The following MCM6 variants were observed in gnomAD, a reference collection of about 807,000 sequenced individuals.
MCM6 encodes DNA replication licensing factor MCM6.
In MCM6, 46 loss-of-function variants were observed where a neutral mutation model predicts 94.3. The ratio of observed to expected loss-of-function variants is 0.49; its 90% CI spans 0.39 to 0.62. MCM6 has a LOEUF of 0.62. MCM6 is among the 20% of genes least tolerant of loss of function. The probability of loss-of-function intolerance (pLI) is 0.00; values close to 1 mark genes in which losing one functional copy is unlikely to be tolerated. For missense variants in MCM6, 865 were observed against 1,017.9 expected (o/e 0.85, Z 2.04); for synonymous variants, 335 against 351.9 (o/e 0.95, Z 0.54).
At chr2:135,862,877 G>T in intron 7 of MCM6, 129 bp from the exon 8 acceptor site, 1 of 859,320 alleles carries the variant, frequency 1.2e-6, no homozygotes, top group Non-Finnish European at 1.8e-6. Context: ...CATAAAACTG[G>T]AGTAATAACA....
rs146507564 is a variant in MCM6 at position 135,868,713 on chromosome 2, C to T, written c.513G>A (p.Gln171=). ...AGATGTTTGGCTGTGTGTATTTGAA[C>T]TGCTGTTCTACATCCCTGATCACTG... is the stretch of plus-strand genomic sequence containing the variant. ...CQTVIRDVEQ[Q]FKYTQPNICR... The change falls in exon 4 of 17, where the codon CAG becomes CAA. Residue 171 remains glutamine (Q), a synonymous_variant. Coordinates refer to ENST00000264156, the MANE Select transcript of MCM6 (RefSeq NM_005915.6). 444 of 1,614,156 alleles carry T rather than the reference C, an allele frequency of 2.8e-4. 1 individual carries two copies. Among genetic ancestry groups the T allele is most frequent in the Middle Eastern group, 1.6e-3 (10 of 6,062 alleles).
At chr2:135,844,521 G>C (rs1461467519) in intron 16 of MCM6, 24 bp downstream of exon 16, 1 of 1,462,376 alleles carries the variant, frequency 6.8e-7, no homozygotes, top group Middle Eastern at 1.8e-4. Context: ...CCTGATACCA[G>C]AGCACGCGCA....
At chr2:135,869,209 T>G (rs1680156381) in intron 3 of MCM6, among the ~76,000 whole-genome samples, 1 of 152,150 alleles carries the variant, frequency 6.6e-6, no homozygotes, top group Non-Finnish European at 1.5e-5. Context: ...AAGACCATCC[T>G]GGCCAACATG....
At chr2:135,863,852 T>C (rs1028759156) in intron 7 of MCM6, among the ~76,000 whole-genome samples, 9 of 152,158 alleles carry the variant, frequency 5.9e-5, no homozygotes, top group Admixed American at 5.9e-4. Context: ...GGCTCATGCC[T>C]GTAATCTCAG....
At chr2:135,872,399 G>T (rs1680217289) in intron 2 of MCM6, among the ~76,000 whole-genome samples, 1 of 152,168 alleles carries the variant, frequency 6.6e-6, no homozygotes, top group African/African-American at 2.4e-5. Flanking sequence ...AGTGAGCCAA[G>T]ATCGCGCCAC....
chr2:135,843,915 T>A (rs1314823024), intron 16 of MCM6, among the ~76,000 whole-genome samples: 10 of 150,344 alleles, frequency 6.7e-5, no homozygotes, highest in Non-Finnish European at 1.5e-4. Flanking sequence ...CTGACAGGAG[T>A]GGAGAGAAGG....
chr2:135,846,160 T>C, intron 15 of MCM6, 77 bp downstream of exon 15: 1 of 1,412,938 alleles, frequency 7.1e-7, no homozygotes, highest in Non-Finnish European at 9.8e-7. Flanking sequence ...ACACGAAGTT[T>C]GGCAATCACA....
At chr2:135,872,666 T>C (rs897906772) in intron 2 of MCM6, 31 bp downstream of exon 2, 9 of 1,609,022 alleles carry the variant, frequency 5.6e-6, no homozygotes, top group Non-Finnish European at 7.6e-6. Context: ...TCAACCCCTA[T>C]TCAAAGTAAA....
chr2:135,856,907 A>C, intron 10 of MCM6, 24 bp from the exon 11 acceptor site: 1 of 1,600,022 alleles, frequency 6.2e-7, no homozygotes, highest in Non-Finnish European at 8.5e-7. Context: ...AAAGAATCTT[A>C]ACAGATTTAA....
At chr2:135,851,702 A>G (rs1679782606) in intron 12 of MCM6, 139 bp from the exon 13 acceptor site, 1 of 559,368 alleles carries the variant, frequency 1.8e-6, no homozygotes, top group Admixed American at 3.4e-5. Flanking sequence ...AGTGACAATA[A>G]ATTACTATTG....
Position 135,872,750 on chromosome 2 carries a change from G to T in MCM6, c.201C>A (p.Asp67Glu), listed in dbSNP as rs750109785. ...AAAGTTGCTGGTTAAATTGTTCCAG[G>T]TCCACAAAACTCACAACCAATGTGT... is the stretch of plus-strand genomic sequence containing the variant. ...ERNTLVVSFV[D>E]LEQFNQQLST... The change falls in exon 2 of 17, where the codon GAC becomes GAA. Residue 67 changes from aspartate (D) to glutamate (E), a missense_variant. Around this residue, in one of 3 missense-constraint regions of MCM6, gnomAD observed 404 missense variants for 451.9 expected, o/e 0.89. Transcript: ENST00000264156. 2.5e-6 allele frequency: 4 copies of T among 1,613,922 alleles called. No homozygotes were observed. Among genetic ancestry groups the T allele is most frequent in the South Asian group, 1.1e-5 (1 of 91,078 alleles).
intron 9 of MCM6, 109 bp downstream of exon 9, chr2:135,859,192 T>G: frequency 3.2e-6 from 3 of 924,130 alleles, no homozygotes; most frequent in Non-Finnish European, 3.2e-6. Context: ...CGCGCCCAGC[T>G]GAGAATGCTG....
intron 9 of MCM6, 25 bp downstream of exon 9, chr2:135,859,276 A>C: frequency 6.3e-7 from 1 of 1,598,614 alleles, no homozygotes. Context: ...ACTTCTTTAT[A>C]CTGAAGAGTG....
At chr2:135,848,712 C>T (rs1207909563) in intron 13 of MCM6, among the ~76,000 whole-genome samples, 14 of 152,032 alleles carry the variant, frequency 9.2e-5, no homozygotes. Context: ...GGAGAAACCC[C>T]ATCTCTACTA....
In MCM6 at chr2:135,868,815, G is replaced by T. The variant is rs563361423; in HGVS notation, c.411C>A (p.Ile137=). ...TSSRIGLLTR[I]SGQVVRTHPV... is the part of the protein sequence containing the mutation. ...GGTGAGTCCGCACCACCTGCCCACTGATGCGAGTGAGCAAACCAATTCTGG... is the reference window on the plus strand; with the variant it reads ...GGTGAGTCCGCACCACCTGCCCACTTATGCGAGTGAGCAAACCAATTCTGG... The change falls in exon 4 of 17, where the codon ATC becomes ATA. Residue 137 remains isoleucine, a synonymous_variant. Coordinates refer to ENST00000264156, the MANE Select transcript of MCM6 (RefSeq NM_005915.6). 3 of 1,614,056 alleles carry T rather than the reference G, an allele frequency of 1.9e-6. No individual in the cohort carries two copies. The highest frequency in any genetic ancestry group is 2.2e-5 in the South Asian group (2 of 91,084).
In MCM6 at chr2:135,840,964, A is replaced by G. The variant is rs1325035229; in HGVS notation, c.2350-13T>C. 6.3e-7 allele frequency: 1 copy of G among 1,587,520 alleles called. No individual in the cohort carries two copies. Among genetic ancestry groups the G allele is most frequent in the Admixed American group, 1.7e-5 (1 of 59,978 alleles). Reference sequence around the variant, plus strand: ...TTAGAACATGATCCTGTGAAACACAAATATTTGTCCTCAGGTTTCAAGCAG... The same window carrying G: ...TTAGAACATGATCCTGTGAAACACAGATATTTGTCCTCAGGTTTCAAGCAG... On this transcript the variant is annotated splice_polypyrimidine_tract_variant and intron_variant, in intron 16 of 16. Transcript: ENST00000264156.
chr2:135,852,984 A>AATCATTTCTTATTGCCTG, intron 11 of MCM6, 69 bp from the exon 12 acceptor site: 1 of 1,400,604 alleles, frequency 7.1e-7, no homozygotes, highest in Non-Finnish European at 9.6e-7. Context: ...CCAGGCAATA[A>AATCATTTCTTATTGCCTG]GAAATGATTT....
chr2:135,870,693 T>C (rs1680184337), intron 2 of MCM6, among the ~76,000 whole-genome samples: 1 of 152,194 alleles, frequency 6.6e-6, no homozygotes, highest in African/African-American at 2.4e-5. Flanking sequence ...CTCAATACTG[T>C]GAATTTTCTG....
chr2:135,870,181 TCTGA>T, intron 3 of MCM6, 66 bp downstream of exon 3: 1 of 1,157,054 alleles, frequency 8.6e-7, no homozygotes. Flanking sequence ...TCTCAAGTTT[TCTGA>T]CTGTCAGCTA....
Sources: gnomAD v4.1 joint callset for allele counts (sites outside exome capture counted in the v4.1 genomes callset) on GRCh38, gnomAD v4.1.1 for gene constraint, gnomAD v4.1.1 regional missense constraint, MANE v1.5 for transcripts, NCBI Gene and HGNC (gene_info 2026-07-23, HGNC 2026-07-21) for gene names.